PCDHA9: variants seen among roughly 807,000 people sequenced by gnomAD.
PCDHA9 encodes protocadherin alpha 9, also known as protocadherin alpha-9.
A neutral mutation model predicts 62.0 loss-of-function variants in PCDHA9; 62 were observed. That is an observed-to-expected ratio of 1.00 (90% CI 0.81 to 1.23). The LOEUF is 1.23. Ranked by LOEUF, PCDHA9 falls within the 50% of genes most tolerant of loss-of-function variation. PCDHA9 has a pLI of 0.00. For missense variants in PCDHA9, 1,205 were observed against 1,249.8 expected (o/e 0.96, Z 0.54); for synonymous variants, 557 against 567.6 (o/e 0.98, Z 0.27).
intron 1 of PCDHA9, among the ~76,000 whole-genome samples, chr5:140,914,813 C>T (rs1346638828): frequency 6.6e-6 from 1 of 152,070 alleles, no homozygotes; most frequent in Non-Finnish European, 1.5e-5. Flanking sequence ...GGCAACTTAA[C>T]AGACTGCATA....
intron 1 of PCDHA9, chr5:140,871,260 G>T (rs761268820): frequency 1.4e-5 from 22 of 1,613,980 alleles, no homozygotes; most frequent in Admixed American, 8.3e-5. Context: ...TGTATACGGC[G>T]CTGTGGTGGT....
At chr5:140,902,953 C>T (rs549407032) in intron 1 of PCDHA9, among the ~76,000 whole-genome samples, 24 of 152,278 alleles carry the variant, frequency 1.6e-4, no homozygotes, top group East Asian at 1.3e-3. Flanking sequence ...TCTTTATCCA[C>T]TTGTTGGCTG....
chr5:140,942,120 A>G (rs2093234009), intron 1 of PCDHA9, among the ~76,000 whole-genome samples: 1 of 152,234 alleles, frequency 6.6e-6, no homozygotes, highest in South Asian at 2.1e-4. Flanking sequence ...ACTTTATTAA[A>G]GGTGATATTT....
rs141944056 is a variant in PCDHA9, at chr5:140,857,401, G to A, written c.2394+6512G>A. ...AGGTGGCCGACGTGAACGACAACGCGCCTGCGTTCGCGCAGTCCGAGTACA... is the reference window on the plus strand; with the variant it reads ...AGGTGGCCGACGTGAACGACAACGCACCTGCGTTCGCGCAGTCCGAGTACA... On this transcript the variant is annotated intron_variant, in intron 1 of 3. Transcript: ENST00000532602. The A allele has an allele frequency of 3.2e-3, 5,155 of 1,598,156 alleles. 411 individuals are homozygous for A. The African/African-American group carries it at 0.057, about 18-fold the overall frequency.
intron 1 of PCDHA9, chr5:140,870,913 G>C (rs933995054): frequency 2.5e-6 from 4 of 1,613,936 alleles, no homozygotes; most frequent in Non-Finnish European, 3.4e-6. Context: ...AGGCTACAAC[G>C]CGTGGCTTTC....
chr5:140,867,676 G>T (rs2050100182), intron 1 of PCDHA9: 1 of 151,988 alleles, frequency 6.6e-6, no homozygotes, highest in Admixed American at 6.6e-5. Flanking sequence ...CTAAAATTTT[G>T]TTGCATCTTC....
chr5:141,008,633 A>G (rs1212403774), intron 3 of PCDHA9, among the ~76,000 whole-genome samples: 1 of 152,212 alleles, frequency 6.6e-6, no homozygotes, highest in African/African-American at 2.4e-5. Context: ...AGTATAATTA[A>G]CAATTTCTTC....
intron 1 of PCDHA9, chr5:140,866,292 A>T (rs1453745216): frequency 6.6e-6 from 1 of 152,182 alleles, no homozygotes; most frequent in East Asian, 1.9e-4. Flanking sequence ...TGGGACAAGT[A>T]TAGATGTTGA....
At chr5:140,882,950 C>A in intron 1 of PCDHA9, 1 of 1,614,216 alleles carries the variant, frequency 6.2e-7, no homozygotes, top group Non-Finnish European at 8.5e-7. Context: ...CACAGTTCAG[C>A]TGCTCATCAC....
At chr5:140,934,574 A>G in intron 1 of PCDHA9, among the ~76,000 whole-genome samples, 1 of 152,124 alleles carries the variant, frequency 6.6e-6, no homozygotes, top group Non-Finnish European at 1.5e-5. Flanking sequence ...AATTAATTGT[A>G]ACATTTCTGT....
rs1443126988 is a variant in PCDHA9 at position 140,960,088 on chromosome 5, A to G, written c.2395-18861A>G. Among the ~76,000 whole-genome samples, 6 of 152,248 alleles carry G rather than the reference A, an allele frequency of 3.9e-5. No homozygotes were observed. The East Asian group carries it at 5.8e-4, about 15-fold the overall frequency. ...TTCAATTGAAGTTTCTAAAAGAGAA[A>G]GAAACTTGTAGTTGTGGGAACAATA... On this transcript the variant is annotated intron_variant, in intron 1 of 3. Coordinates refer to ENST00000532602, the MANE Select transcript of PCDHA9 (RefSeq NM_031857.2).
chr5:140,851,102 G>A, intron 1 of PCDHA9: 1 of 1,288,626 alleles, frequency 7.8e-7, no homozygotes, highest in Non-Finnish European at 1.0e-6. Flanking sequence ...ATATTTTTTG[G>A]GTGCTGAATC....
intron 1 of PCDHA9, among the ~76,000 whole-genome samples, chr5:140,925,533 A>C (rs1334031760): frequency 1.3e-5 from 2 of 152,062 alleles, no homozygotes; most frequent in Non-Finnish European, 2.9e-5. Flanking sequence ...AAGCGAGGAG[A>C]AATACCTAAT....
At chr5:140,996,811 A>G (rs2097746792) in intron 3 of PCDHA9, among the ~76,000 whole-genome samples, 1 of 152,212 alleles carries the variant, frequency 6.6e-6, no homozygotes, top group African/African-American at 2.4e-5. Flanking sequence ...ATGCTTTCCA[A>G]AAGTAACCAC....
At chr5:140,982,650 CTCTTTT>C (rs2096993978) in intron 3 of PCDHA9, 87 bp downstream of exon 3, 1 of 1,507,000 alleles carries the variant, frequency 6.6e-7, no homozygotes, top group South Asian at 1.3e-5. Context: ...ATGTTGATGG[CTCTTTT>C]TCTTTTATAT....
intron 1 of PCDHA9, among the ~76,000 whole-genome samples, chr5:140,896,143 T>C (rs932166066): frequency 2.6e-5 from 4 of 152,198 alleles, no homozygotes; most frequent in Non-Finnish European, 5.9e-5. Context: ...CAGTGCACCA[T>C]TGATGGGCAT....
intron 1 of PCDHA9, among the ~76,000 whole-genome samples, chr5:140,941,032 T>C (rs1321810263): frequency 6.6e-6 from 1 of 152,222 alleles, no homozygotes; most frequent in Non-Finnish European, 1.5e-5. Flanking sequence ...CTGGCCTTTT[T>C]GGTGCCAAGT....
At chr5:140,904,236 T>G (rs1326424532) in intron 1 of PCDHA9, among the ~76,000 whole-genome samples, 2 of 151,966 alleles carry the variant, frequency 1.3e-5, no homozygotes, top group Non-Finnish European at 2.9e-5. Flanking sequence ...ACTTATGCCT[T>G]TGCATCCTCA....
At chr5:140,855,487 T>A (rs1554147815) in intron 1 of PCDHA9, among the ~76,000 whole-genome samples, 3 of 149,802 alleles carry the variant, frequency 2.0e-5, no homozygotes, top group Non-Finnish European at 1.5e-5. Flanking sequence ...GACATTAGTG[T>A]CTAAATAAAC....
Sources: allele counts gnomAD v4.1 joint callset (sites outside exome capture counted in the v4.1 genomes callset), GRCh38; gene constraint gnomAD v4.1.1; transcripts MANE v1.5; gene names NCBI Gene and HGNC (gene_info 2026-07-23, HGNC 2026-07-21).